Variants in ERC1 observed in about 807,000 individuals in gnomAD.
ERC1 encodes RAB6 interacting protein 2.
In ERC1, 56 loss-of-function variants were observed where a neutral mutation model predicts 132.0. The observed-to-expected ratio is 0.42, with a 90% CI of 0.34 to 0.53. The LOEUF (loss-of-function observed/expected upper bound fraction) is 0.53. Ranked by LOEUF, ERC1 falls within the 20% of genes least tolerant of loss-of-function variation. The probability of loss-of-function intolerance (pLI) is 0.03; values close to 1 mark genes in which losing one functional copy is unlikely to be tolerated. For missense variants in ERC1, 1,202 were observed against 1,349.9 expected (o/e 0.89, Z 1.72); for synonymous variants, 478 against 476.1 (o/e 1.00, Z -0.05).
intron 3 of ERC1, among the ~76,000 whole-genome samples, chr12:1,101,681 A>G (rs556466586): frequency 1.6e-4 from 25 of 152,328 alleles, no homozygotes; most frequent in African/African-American, 5.8e-4. Context: ...TGGAGTTCCC[A>G]CACATGCTAA....
At chr12:1,163,458 G>T (rs2154261786) in intron 8 of ERC1, among the ~76,000 whole-genome samples, 1 of 152,304 alleles carries the variant, frequency 6.6e-6, no homozygotes, top group Admixed American at 6.5e-5. Context: ...TGGATGTATT[G>T]TGATAGATCT....
In ERC1 at chr12:1,299,968, A is replaced by G. The variant is rs573345866; in HGVS notation, c.2780+9956A>G. On this transcript the variant is annotated intron_variant, in intron 15 of 18. Coordinates refer to ENST00000360905, the MANE Select transcript of ERC1 (RefSeq NM_178040.4). ...AGGCCTTTATCTATTAAAGAAATTG[A>G]ATTTGTCATATGGAACCAAAAAAGA... Among the ~76,000 whole-genome samples, 130 of 152,234 alleles carry G rather than the reference A, an allele frequency of 8.5e-4. 2 individuals carry two copies. The highest frequency in any genetic ancestry group is 3.4e-3 in the Middle Eastern group (1 of 294).
At chr12:1,420,444 AT>A (rs2092377376) in intron 17 of ERC1, among the ~76,000 whole-genome samples, 1 of 146,488 alleles carries the variant, frequency 6.8e-6, no homozygotes, top group East Asian at 2.0e-4. Context: ...ACTTTTTTTT[AT>A]TTTATTTATT....
chr12:1,355,426 A>G (rs1280284237), intron 15 of ERC1, among the ~76,000 whole-genome samples: 2 of 152,208 alleles, frequency 1.3e-5, no homozygotes, highest in Non-Finnish European at 2.9e-5. Context: ...CCTGCTTTAA[A>G]ATATAGCCCC....
chr12:1,293,945 A>T (rs1280757207), intron 15 of ERC1, among the ~76,000 whole-genome samples: 1 of 152,194 alleles, frequency 6.6e-6, no homozygotes, highest in African/African-American at 2.4e-5. Context: ...GTTGAATGTT[A>T]TGTAGGAAAC....
chr12:1,339,414 G>A (rs7964866), intron 15 of ERC1, among the ~76,000 whole-genome samples: 1,563 of 76,444 alleles, frequency 0.02, 30 homozygotes, highest in Middle Eastern at 0.067. Flanking sequence ...CAACTGTGAC[G>A]GGGTGCTAGC....
chr12:1,126,001 G>A (rs1277817186), intron 7 of ERC1, among the ~76,000 whole-genome samples: 1 of 152,204 alleles, frequency 6.6e-6, no homozygotes, highest in African/African-American at 2.4e-5. Flanking sequence ...AGAATGTGGA[G>A]TTTAATGGGT....
chr12:1,401,404 G>A (rs546762555), intron 16 of ERC1, among the ~76,000 whole-genome samples: 2 of 152,258 alleles, frequency 1.3e-5, no homozygotes, highest in South Asian at 4.1e-4. Flanking sequence ...CAGTAGAATC[G>A]TTTCTGAAGG....
intron 18 of ERC1, among the ~76,000 whole-genome samples, chr12:1,472,184 A>G (rs1479997641): frequency 6.6e-6 from 1 of 152,236 alleles, no homozygotes; most frequent in Non-Finnish European, 1.5e-5. Flanking sequence ...TTATGTTTTT[A>G]TATAGATTCA....
intron 12 of ERC1, among the ~76,000 whole-genome samples, chr12:1,193,984 G>A (rs1955982634): frequency 6.6e-6 from 1 of 152,174 alleles, no homozygotes. Context: ...ACCAGAGCTT[G>A]AAAAGTCGTT....
At chr12:1,361,657 C>T (rs547632985) in intron 15 of ERC1, among the ~76,000 whole-genome samples, 2 of 152,260 alleles carry the variant, frequency 1.3e-5, no homozygotes, top group African/African-American at 4.8e-5. Context: ...ATGAAAATCT[C>T]TCATGAAGTT....
At chr12:1,184,914 G>A (rs1241237169) in intron 11 of ERC1, among the ~76,000 whole-genome samples, 2 of 151,986 alleles carry the variant, frequency 1.3e-5, no homozygotes, top group African/African-American at 4.8e-5. Context: ...CACAACACCT[G>A]GCTAAGTTAA....
intron 16 of ERC1, among the ~76,000 whole-genome samples, chr12:1,405,146 T>TATAAAA (rs147432689): frequency 1.4e-5 from 2 of 142,202 alleles, no homozygotes; most frequent in African/African-American, 5.3e-5. Context: ...GCTCAAAAAA[T>TATAAAA]ATAAATAAAT....
rs34533745 is a variant in ERC1 at position 1,393,607 on chromosome 12, C to CGTGT, written c.2926-14503_2926-14500dup. The stretch of plus-strand genomic sequence containing the variant: ...TTTTTTTTCCTTTAGAGAGAACACA[C>CGTGT]GTGTGTGTGTGTGTGTGTGTGTGTG... On this transcript the variant is annotated intron_variant, in intron 16 of 18. Coordinates refer to ENST00000360905, the MANE Select transcript of ERC1 (RefSeq NM_178040.4). Among the ~76,000 whole-genome samples, 656 of 140,220 alleles carry CGTGT rather than the reference C, an allele frequency of 4.7e-3. 5 individuals carry two copies. The highest frequency in any genetic ancestry group is 0.018 in the South Asian group (75 of 4,166). 92.0% of individuals were successfully genotyped at this position (140,220 alleles called of 152,430 possible).
At chr12:1,260,779 G>C (rs1351405298) in intron 13 of ERC1, among the ~76,000 whole-genome samples, 1 of 152,186 alleles carries the variant, frequency 6.6e-6, no homozygotes, top group African/African-American at 2.4e-5. Flanking sequence ...TTGCGTTAGA[G>C]CAAATGCTTC....
intron 14 of ERC1, among the ~76,000 whole-genome samples, chr12:1,279,159 T>A (rs2078488147): frequency 6.6e-6 from 1 of 152,182 alleles, no homozygotes; most frequent in African/African-American, 2.4e-5. Context: ...TTAAAATATC[T>A]CTTTACATAA....
intron 15 of ERC1, among the ~76,000 whole-genome samples, chr12:1,304,542 G>T (rs1594883526): frequency 2.6e-5 from 4 of 152,152 alleles, no homozygotes; most frequent in South Asian, 4.2e-4. Context: ...AAAAACAGTT[G>T]GAAGCACAAC....
intron 17 of ERC1, 31 bp from the exon 18 acceptor site, chr12:1,444,526 CATTTT>C (rs747905438): frequency 5.2e-5 from 74 of 1,436,278 alleles, no homozygotes; most frequent in Middle Eastern, 1.8e-4. Context: ...TGACTTTCCT[CATTTT>C]ATTTTATTTT....
At chr12:1,144,614 G>GTATGTATATATATA (rs1555268147) in intron 8 of ERC1, among the ~76,000 whole-genome samples, 2 of 132,300 alleles carry the variant, frequency 1.5e-5, no homozygotes, top group African/African-American at 6.3e-5. Flanking sequence ...GAATTTTGTG[G>GTATGTATATATATA]TATATATATA....
Sources: gnomAD v4.1 joint callset for allele counts (sites outside exome capture counted in the v4.1 genomes callset) on GRCh38, gnomAD v4.1.1 for gene constraint, MANE v1.5 for transcripts, NCBI Gene and HGNC (gene_info 2026-07-23, HGNC 2026-07-21) for gene names.